Variants in ZNF462 observed in about 807,000 individuals in gnomAD.
ZNF462 encodes the protein zinc finger PBX1-interacting protein.
A neutral mutation model predicts 201.9 loss-of-function variants in ZNF462; 10 were observed. The ratio of observed to expected loss-of-function variants is 0.05; its 90% CI spans 0.03 to 0.08. The LOEUF (loss-of-function observed/expected upper bound fraction) is 0.08, where lower values mean the gene tolerates loss of function less well. ZNF462 is among the 10% of genes least tolerant of loss of function. The probability of loss-of-function intolerance (pLI) is 1.00; values close to 1 mark genes in which losing one functional copy is unlikely to be tolerated. For missense variants in ZNF462, 2,523 were observed against 3,168.3 expected, an observed-to-expected ratio of 0.80 and a Z score of 4.89; for synonymous variants, 1,227 against 1,193.3, an observed-to-expected ratio of 1.03 and a Z score of -0.58.
intron 7 of ZNF462, among the ~76,000 whole-genome samples, chr9:106,971,392 TAAAAC>T (rs764944018): frequency 6.7e-6 from 1 of 148,898 alleles, no homozygotes; most frequent in Non-Finnish European, 1.5e-5. Context: ...AACAACAAAA[TAAAAC>T]AAAAAAACGG....
In ZNF462 at chr9:107,008,587, AC is replaced by A. The variant is rs1256623541; in HGVS notation, c.7190-956del. The stretch of plus-strand genomic sequence containing the variant: ...AACTGGCAAGGTCCTGCTGTTTATT[AC>A]CTACATGAAGACTTGGCCCTCTGTG... On this transcript the variant is annotated intron_variant, in intron 11 of 12. Transcript: ENST00000277225. This position sits in a 1 kb window ranked among gnomAD's most constrained non-coding sequence, Gnocchi z 4.8. 2.6e-5 allele frequency among the ~76,000 whole-genome samples: 4 copies of A among 152,274 alleles called. No homozygotes were observed. The highest frequency in any genetic ancestry group is 4.1e-4 in the South Asian group (2 of 4,822).
Position 106,929,489 on chromosome 9 carries a change from A to G in ZNF462, c.5577A>G (p.Ala1859=). The part of the protein sequence containing the change: ...IKCFKLSFST[A]ELLCMHYTDH... The stretch of plus-strand genomic sequence containing the variant: ...GCTTCAAGCTGTCCTTTAGCACTGC[A>G]GAGCTGCTGTGCATGCATTACACTG... The change falls in exon 3 of 13, where the codon GCA becomes GCG. Residue 1859 remains alanine, a synonymous_variant. Coordinates refer to ENST00000277225, the MANE Select transcript of ZNF462 (RefSeq NM_021224.6). The surrounding 1 kb of genome is among the most constrained non-coding windows in gnomAD (Gnocchi z 8.7). The G allele has an allele frequency of 1.2e-6, 2 of 1,614,200 alleles. No homozygotes were observed. Among genetic ancestry groups the G allele is most frequent in the Non-Finnish European group, 8.5e-7 (1 of 1,180,038 alleles).
chr9:106,952,445 G>GA (rs1831393941), intron 7 of ZNF462, among the ~76,000 whole-genome samples: 1 of 152,108 alleles, frequency 6.6e-6, no homozygotes, highest in Admixed American at 6.5e-5. Context: ...AGTAAAAAAG[G>GA]AAAAAATTTC....
At chr9:106,889,223 A>G (rs538933678) in intron 1 of ZNF462, among the ~76,000 whole-genome samples, 61 of 152,222 alleles carry the variant, frequency 4.0e-4, no homozygotes, top group African/African-American at 1.4e-3. Context: ...CCCTATGTAC[A>G]CACCCTTCCT....
chr9:106,976,422 G>A (rs924436331), intron 9 of ZNF462: 2 of 152,296 alleles, frequency 1.3e-5, no homozygotes, highest in South Asian at 2.1e-4. Context: ...TTTCCTGAAG[G>A]GCACAGTGTG....
chr9:106,958,735 CAG>C (rs149805871), intron 7 of ZNF462, among the ~76,000 whole-genome samples: 2,830 of 152,158 alleles, frequency 0.019, 37 homozygotes, highest in Middle Eastern at 0.031. Flanking sequence ...TCGTGGGTAG[CAG>C]GGAGAACCAG....
chr9:106,923,664 C>T lies in ZNF462; in HGVS notation c.220+61C>T, dbSNP rs1830074645. 1 of 1,553,238 alleles carries T rather than the reference C, an allele frequency of 6.4e-7. No homozygotes were observed. Among genetic ancestry groups the T allele is most frequent in the Non-Finnish European group, 8.9e-7 (1 of 1,128,470 alleles). On this transcript the variant is annotated intron_variant, in intron 2 of 12. Transcript: ENST00000277225. This position sits in a 1 kb window ranked among gnomAD's most constrained non-coding sequence, Gnocchi z 5.6. ...TTTAATTGCTCTTGTTTCCTTTTAG[C>T]CTGTAGCCATGGTTCTTAATATACG... is the stretch of plus-strand genomic sequence containing the variant.
At chr9:106,931,947 G>A (rs186782288) in intron 4 of ZNF462, among the ~76,000 whole-genome samples, 48 of 152,278 alleles carry the variant, frequency 3.2e-4, no homozygotes, top group Admixed American at 2.9e-3. Flanking sequence ...CTTAGATGGG[G>A]TTGCAGTTTG....
chr9:106,914,663 C>T (rs1829694530), intron 1 of ZNF462, among the ~76,000 whole-genome samples: 1 of 152,194 alleles, frequency 6.6e-6, no homozygotes, highest in Admixed American at 6.5e-5. Flanking sequence ...GCTGAAGAGC[C>T]AGACAGACCT....
At chr9:106,863,041 G>T, upstream of ZNF462, 1 of 396,580 alleles carries the variant, frequency 2.5e-6, no homozygotes, top group South Asian at 1.3e-4. Context: ...GAGCGCGCGA[G>T]GGAGAGGGAG....
In ZNF462 at chr9:106,984,565, G is replaced by A. The variant is rs113062789; in HGVS notation, c.7056+156G>A. Among the ~76,000 whole-genome samples, 2,231 of 152,256 alleles carry A rather than the reference G, an allele frequency of 0.015. 58 individuals are homozygous for A. The highest frequency in any genetic ancestry group is 0.05 in the African/African-American group (2,094 of 41,552). ...AGGTCTAGTTTCTTCTATTAGAAAC[G>A]TAAGGTCATTTTTAAAAATTGCGAA... On this transcript the variant is annotated intron_variant, in intron 10 of 12. Coordinates refer to ENST00000277225, the MANE Select transcript of ZNF462 (RefSeq NM_021224.6). This position sits in a 1 kb window ranked among gnomAD's most constrained non-coding sequence, Gnocchi z 6.4.
intron 7 of ZNF462, among the ~76,000 whole-genome samples, chr9:106,959,164 A>G (rs74778174): frequency 0.012 from 1,777 of 152,134 alleles, 40 homozygotes; most frequent in African/African-American, 0.04. Context: ...CCCACAATCA[A>G]TCCCCTCCCC....
At chr9:106,896,409 G>A (rs1828815049) in intron 1 of ZNF462, among the ~76,000 whole-genome samples, 1 of 152,178 alleles carries the variant, frequency 6.6e-6, no homozygotes, top group South Asian at 2.1e-4. Context: ...GTGAGGTAGA[G>A]TGGACCTTAG....
At chr9:106,961,916 T>C (rs1198501932) in intron 7 of ZNF462, among the ~76,000 whole-genome samples, 1 of 151,912 alleles carries the variant, frequency 6.6e-6, no homozygotes, top group Non-Finnish European at 1.5e-5. Context: ...TATACAACAA[T>C]GCAGGGGGAA....
Position 106,927,594 on chromosome 9 carries a change from C to G in ZNF462, c.3682C>G (p.Gln1228Glu). ...CAAGGCCAATGCAGATGTGATCCGG[C>G]AGCATACGGCCACCATTCGAAGCCT... ...DFKANADVIR[Q>E]HTATIRSLCD... The change falls in exon 3 of 13, where the codon CAG becomes GAG. Residue 1228 changes from glutamine to glutamate, a missense_variant. This residue lies in a region of ZNF462 where 222 missense variants were observed against 271.6 expected (regional missense o/e 0.82). Coordinates refer to ENST00000277225, the MANE Select transcript of ZNF462 (RefSeq NM_021224.6). 3.1e-6 allele frequency: 5 copies of G among 1,613,924 alleles called. No individual in the cohort carries two copies. The South Asian group carries it at 3.3e-5, about 11-fold the overall frequency.
chr9:106,867,701 TGG>T (rs1827403052), intron 1 of ZNF462, among the ~76,000 whole-genome samples: 1 of 152,172 alleles, frequency 6.6e-6, no homozygotes, highest in African/African-American at 2.4e-5. Context: ...AAGAAAGGAA[TGG>T]TAAAGTTGCA....
In ZNF462 at chr9:107,003,846, G is replaced by A. The variant is rs1414702412; in HGVS notation, c.7189+420G>A. 6.6e-6 allele frequency among the ~76,000 whole-genome samples: 1 copy of A among 152,100 alleles called. No individual in the cohort carries two copies. Among genetic ancestry groups the A allele is most frequent in the Admixed American group, 6.6e-5 (1 of 15,252 alleles). The stretch of plus-strand genomic sequence containing the variant: ...GGCACACACTGCTGGAACTGTAGGG[G>A]ACGGTGGTGCAAAGAACTTGAGCCC... On this transcript the variant is annotated intron_variant, in intron 11 of 12. Transcript: ENST00000277225. This position sits in a 1 kb window ranked among gnomAD's most constrained non-coding sequence, Gnocchi z 4.4.
intron 1 of ZNF462, among the ~76,000 whole-genome samples, chr9:106,873,650 G>A (rs772594840): frequency 6.6e-6 from 1 of 152,114 alleles, no homozygotes; most frequent in Non-Finnish European, 1.5e-5. Context: ...ATCACCATGT[G>A]CTCTATTTAG....
Position 106,954,746 on chromosome 9 carries a change from C to T in ZNF462, c.6427+15639C>T, listed in dbSNP as rs1412358331. Among the ~76,000 whole-genome samples, 2 of 152,242 alleles carry T rather than the reference C, an allele frequency of 1.3e-5. No individual in the cohort carries two copies. The highest frequency in any genetic ancestry group is 2.9e-5 in the Non-Finnish European group (2 of 68,018). On this transcript the variant is annotated intron_variant, in intron 7 of 12. Transcript: ENST00000277225. The surrounding 1 kb of genome is among the most constrained non-coding windows in gnomAD (Gnocchi z 4.0). ...TTCATTTCTGTGATGCAACAGTGATCTCCCGAGATGTGAGTCAACTCTTCC... is the reference window on the plus strand; with the variant it reads ...TTCATTTCTGTGATGCAACAGTGATTTCCCGAGATGTGAGTCAACTCTTCC...
Sources: gnomAD v4.1 joint callset for allele counts (sites outside exome capture counted in the v4.1 genomes callset) on GRCh38, gnomAD v4.1.1 for gene constraint, gnomAD v4.1.1 regional missense constraint, Gnocchi (gnomAD v3.1) non-coding constraint, MANE v1.5 for transcripts, NCBI Gene and HGNC (gene_info 2026-07-23, HGNC 2026-07-21) for gene names.